KRTCAP2: variants seen among roughly 807,000 people sequenced by gnomAD.
KRTCAP2 encodes the protein dolichyl-diphosphooligosaccharide--protein glycosyltransferase subunit KCP2.
In KRTCAP2, 10 loss-of-function variants were observed where a neutral mutation model predicts 16.5. The observed-to-expected ratio is 0.60, with a 90% CI of 0.37 to 1.02. KRTCAP2 has a LOEUF of 1.02. Ranked by LOEUF, KRTCAP2 falls within the 50% of genes least tolerant of loss-of-function variation. KRTCAP2 has a pLI of 0.01. For synonymous variants in KRTCAP2, 68 were observed against 69.8 expected (o/e 0.97, Z 0.13); for missense variants, 152 against 159.6 (o/e 0.95, Z 0.26).
intron 3 of KRTCAP2, chr1:155,171,312 G>A (rs1433906303): frequency 7.5e-6 from 2 of 265,814 alleles, no homozygotes; most frequent in East Asian, 1.8e-4. Flanking sequence ...CCAGCTACTC[G>A]GGAGGCTGAG....
chr1:155,173,068 C>T (rs1665324250), intron 1 of KRTCAP2, 153 bp downstream of exon 1: 6 of 930,570 alleles, frequency 6.4e-6, no homozygotes, highest in African/African-American at 1.6e-5. Flanking sequence ...ATTCCCCAGC[C>T]CCGGACACCC....
intron 1 of KRTCAP2, 64 bp downstream of exon 1, chr1:155,173,157 A>G: frequency 7.2e-7 from 1 of 1,381,864 alleles, no homozygotes; most frequent in Non-Finnish European, 1.0e-6. Context: ...AGGACGAGGA[A>G]AGCTTGTCCA....
Position 155,169,830 on chromosome 1 carries a change from A to G in KRTCAP2, c.251T>C (p.Phe84Ser). The change falls in exon 4 of 5, where the codon TTT becomes TCT. Residue 84 changes from phenylalanine to serine, a missense_variant. Transcript: ENST00000295682. ...GACTCGGTGGATGAGGCCAGATGCA[A>G]AGAGAGCCAACAGGAGGCACAGGAG... is the stretch of plus-strand genomic sequence containing the variant. ...EILLCLLLAL[F>S]ASGLIHRVCV... 6.3e-7 allele frequency: 1 copy of G among 1,595,862 alleles called. No homozygotes were observed. The highest frequency in any genetic ancestry group is 8.5e-7 in the Non-Finnish European group (1 of 1,170,602).
intron 3 of KRTCAP2, chr1:155,170,705 A>C (rs928570204): frequency 1.5e-4 from 23 of 152,318 alleles, no homozygotes; most frequent in African/African-American, 5.3e-4. Flanking sequence ...TGAGAGGACA[A>C]AAGCAAAGAC....
chr1:155,173,143 G>A, intron 1 of KRTCAP2, 78 bp downstream of exon 1: 1 of 1,280,630 alleles, frequency 7.8e-7, no homozygotes, highest in Admixed American at 1.9e-5. Flanking sequence ...AGCTCTGTCG[G>A]GAGAGGACGA....
chr1:155,169,673 G>A (rs906641010), intron 4 of KRTCAP2, 113 bp from the exon 5 acceptor site: 14 of 1,410,096 alleles, frequency 9.9e-6, no homozygotes, highest in East Asian at 2.3e-5. Context: ...TTAGGAAAAC[G>A]GGGAGGGAGA....
chr1:155,169,841 C>T lies in KRTCAP2; in HGVS notation c.240G>A (p.Leu80=). 6.3e-7 allele frequency: 1 copy of T among 1,590,374 alleles called. No individual in the cohort carries two copies. Among genetic ancestry groups the T allele is most frequent in the South Asian group, 1.1e-5 (1 of 87,394 alleles). The change falls in exon 4 of 5, where the codon CTG becomes CTA. Residue 80 remains leucine (L), a synonymous_variant. Coordinates refer to ENST00000295682, the MANE Select transcript of KRTCAP2 (RefSeq NM_173852.4). ...TGAGGCCAGATGCAAAGAGAGCCAACAGGAGGCACAGGAGAACTAGGGAGG... is the reference window on the plus strand; with the variant it reads ...TGAGGCCAGATGCAAAGAGAGCCAATAGGAGGCACAGGAGAACTAGGGAGG... ...KIFPEILLCL[L]LALFASGLIH... is the part of the protein sequence containing the mutation.
chr1:155,170,847 C>A, intron 3 of KRTCAP2: 1 of 152,174 alleles, frequency 6.6e-6, no homozygotes, highest in South Asian at 2.1e-4. Context: ...CTCACTCTGT[C>A]GCCCAGGCTG....
rs766815387 is a variant in KRTCAP2 at position 155,172,933 on chromosome 1, C to T, written c.5-41G>A. ...GAAGGGACGGAGAGTCAGGCTCCGC[C>T]CTCCCTCCGGCAAGCTACGGGCAGA... On this transcript the variant is annotated intron_variant, in intron 1 of 4. Transcript: ENST00000295682. The T allele has an allele frequency of 1.9e-6, 3 of 1,605,066 alleles. No individual in the cohort carries two copies. In the African/African-American group the frequency reaches 4.0e-5, roughly 21 times the overall value.
intron 3 of KRTCAP2, chr1:155,170,172 G>T: frequency 4.4e-6 from 1 of 225,684 alleles, no homozygotes; most frequent in Non-Finnish European, 8.9e-6. Flanking sequence ...AAAAAAAATT[G>T]AATTAAAAAA....
At chr1:155,171,897 G>A (rs1307569084) in intron 3 of KRTCAP2, 1 of 891,994 alleles carries the variant, frequency 1.1e-6, no homozygotes, top group African/African-American at 1.8e-5. Flanking sequence ...AACCATGATA[G>A]ATCTTTGTTT....
chr1:155,169,511 TGGA>T lies in KRTCAP2; in HGVS notation c.337_339del (p.Ser113del), dbSNP rs1434649174. On this transcript the variant is annotated inframe_deletion, in exon 5 of 5. Coordinates refer to ENST00000295682, the MANE Select transcript of KRTCAP2 (RefSeq NM_173852.4). ...ACTGGAGCTGCTGCCTGGTACAGGG[TGGA>T]GGAGATCTTGTTGATGTAGTACAGA... is the stretch of plus-strand genomic sequence containing the variant. The T allele has an allele frequency of 5.6e-6, 9 of 1,614,014 alleles. No homozygotes were observed. The highest frequency in any genetic ancestry group is 2.2e-5 in the East Asian group (1 of 44,888).
At chr1:155,169,734 A>G (rs4421576) in intron 4 of KRTCAP2, 57 bp downstream of exon 4, 739,434 of 1,448,176 alleles carry the variant, frequency 0.51, 194,053 homozygotes, top group East Asian at 0.82. Flanking sequence ...CATCACAGTA[A>G]GATCCAATGC....
chr1:155,171,627 A>C (rs1665248804), intron 3 of KRTCAP2: 2 of 954,916 alleles, frequency 2.1e-6, no homozygotes, highest in Non-Finnish European at 2.5e-6. Context: ...GGAGGCTGAA[A>C]TAGGAGGATC....
At chr1:155,172,664 G>A (rs1247693068) in intron 2 of KRTCAP2, 36 bp from the exon 3 acceptor site, 4 of 1,614,098 alleles carry the variant, frequency 2.5e-6, no homozygotes, top group Admixed American at 1.7e-5. Context: ...GTGTGCAACG[G>A]GGACAGAGCT....
chr1:155,173,117 G>T, intron 1 of KRTCAP2, 104 bp downstream of exon 1: 2 of 1,127,986 alleles, frequency 1.8e-6, no homozygotes, highest in South Asian at 1.4e-5. Context: ...GCTCCCGGTG[G>T]AACCCAGGAC....
chr1:155,172,602 G>A lies in KRTCAP2; in HGVS notation c.186C>T (p.Val62=). 1.9e-6 allele frequency: 3 copies of A among 1,614,214 alleles called. No individual in the cohort carries two copies. Among genetic ancestry groups the A allele is most frequent in the Non-Finnish European group, 2.5e-6 (3 of 1,180,048 alleles). Residue 62 remains valine, a synonymous_variant, in exon 3 of 5, where the codon GTC becomes GTT. Coordinates refer to ENST00000295682, the MANE Select transcript of KRTCAP2 (RefSeq NM_173852.4). ...TCTTTGCTTGGAATCCTTTGCCAAAGACAAGATTCTCCAGATTATTGAAGG... is the reference window on the plus strand; with the variant it reads ...TCTTTGCTTGGAATCCTTTGCCAAAAACAAGATTCTCCAGATTATTGAAGG... ...LTAFNNLENL[V]FGKGFQAKIF... is the part of the protein sequence containing the mutation.
intron 4 of KRTCAP2, 98 bp downstream of exon 4, chr1:155,169,693 G>C: frequency 7.3e-7 from 1 of 1,361,226 alleles, no homozygotes; most frequent in South Asian, 1.2e-5. Context: ...AACAGAGAGA[G>C]AGGTAGGTGT....
At chr1:155,173,045 G>A in intron 1 of KRTCAP2, 153 bp from the exon 2 acceptor site, 1 of 981,794 alleles carries the variant, frequency 1.0e-6, no homozygotes, top group Non-Finnish European at 1.5e-6. Context: ...ACACCGCGCG[G>A]CAACCCCTAC....
Sources: gnomAD v4.1 joint callset for allele counts on GRCh38, gnomAD v4.1.1 for gene constraint, MANE v1.5 for transcripts, NCBI Gene and HGNC (gene_info 2026-07-23, HGNC 2026-07-21) for gene names.